Variants in HMGXB3 observed in about 807,000 individuals in gnomAD.
HMGXB3 encodes HMG-box containing 3.
HMGXB3 carries 45 observed loss-of-function variants against 121.5 expected under a neutral mutation model. That is an observed-to-expected ratio of 0.37 (90% CI 0.29 to 0.47). HMGXB3 has a LOEUF of 0.47. HMGXB3 is among the 20% of genes least tolerant of loss of function. The pLI is 0.99. For synonymous variants in HMGXB3, 590 were observed against 624.1 expected, an observed-to-expected ratio of 0.95 and a Z score of 0.81; for missense variants, 1,376 against 1,602.2, an observed-to-expected ratio of 0.86 and a Z score of 2.41.
At chr5:150,034,455 C>T (rs147879578) in intron 11 of HMGXB3, among the ~76,000 whole-genome samples, 2,556 of 152,056 alleles carry the variant, frequency 0.017, 63 homozygotes, top group African/African-American at 0.058. Context: ...GCTATTTGCG[C>T]GGTTTGCAGT....
intron 15 of HMGXB3, among the ~76,000 whole-genome samples, chr5:150,043,147 A>G (rs529740657): frequency 6.6e-6 from 1 of 152,360 alleles, no homozygotes; most frequent in East Asian, 1.9e-4. Flanking sequence ...CATTAAATGT[A>G]TGGGGAAAAA....
intron 15 of HMGXB3, among the ~76,000 whole-genome samples, chr5:150,043,462 G>T (rs1255605014): frequency 6.6e-6 from 1 of 152,202 alleles, no homozygotes; most frequent in Non-Finnish European, 1.5e-5. Flanking sequence ...GATCAGGCAG[G>T]TGCAGAACCT....
At chr5:150,018,537 A>G (rs377116637) in intron 5 of HMGXB3, 29 bp from the exon 6 acceptor site, 11 of 1,506,052 alleles carry the variant, frequency 7.3e-6, no homozygotes, top group East Asian at 2.5e-5. Flanking sequence ...AGGTTGTTCT[A>G]TTGATTCTGA....
At chr5:150,050,195 ACT>A (rs2113764720) in intron 18 of HMGXB3, 55 bp from the exon 19 acceptor site, 4 of 1,411,440 alleles carry the variant, frequency 2.8e-6, no homozygotes, top group Admixed American at 2.0e-5. Context: ...AGAACTGTAC[ACT>A]CTCTGCAGAC....
intron 9 of HMGXB3, among the ~76,000 whole-genome samples, chr5:150,028,772 T>C (rs1007961835): frequency 3.3e-5 from 5 of 151,650 alleles, no homozygotes; most frequent in Non-Finnish European, 7.4e-5. Flanking sequence ...TCTCTTGCTA[T>C]GTTGCCCAGG....
At chr5:150,021,480 A>C in intron 6 of HMGXB3, 1 of 254,980 alleles carries the variant, frequency 3.9e-6, no homozygotes, top group Non-Finnish European at 7.8e-6. Context: ...CTTTGAATGA[A>C]GCCCAACACA....
At chr5:150,021,930 C>T (rs771033920) in intron 6 of HMGXB3, 60 of 483,628 alleles carry the variant, frequency 1.2e-4, no homozygotes, top group East Asian at 1.2e-3. Flanking sequence ...TTGGCTGCAG[C>T]GGGCTTCCTG....
At chr5:150,032,911 T>C (rs1756413911) in intron 11 of HMGXB3, among the ~76,000 whole-genome samples, 2 of 152,200 alleles carry the variant, frequency 1.3e-5, no homozygotes, top group South Asian at 2.1e-4. Flanking sequence ...GGTTGCATCC[T>C]CTTACCGCTG....
rs113707619 is a variant in HMGXB3, at chr5:150,015,143, A to G, written c.909+2790A>G. 33 of 332,344 alleles carry G rather than the reference A, an allele frequency of 9.9e-5. 1 individual carries two copies. The highest frequency in any genetic ancestry group is 1.6e-4 in the Non-Finnish European group (29 of 181,600). The allele number at this position is 332,344 out of a possible 1,614,324, so 20.6% of individuals were successfully genotyped here. On this transcript the variant is annotated intron_variant, in intron 5 of 19. Coordinates refer to ENST00000502717, the MANE Select transcript of HMGXB3 (RefSeq NM_014983.3). ...CAGTCTGTGAACCAGCAGGACTTCA[A>G]AGGTGAGCAGGGCACGATGACAGTC...
intron 6 of HMGXB3, among the ~76,000 whole-genome samples, chr5:150,023,262 T>A (rs144509409): frequency 2.6e-5 from 4 of 152,302 alleles, no homozygotes; most frequent in South Asian, 2.1e-4. Flanking sequence ...CTTTCTGTAA[T>A]GTGCAGGGAG....
intron 4 of HMGXB3, 100 bp downstream of exon 4, chr5:150,010,708 T>G: frequency 8.4e-7 from 1 of 1,187,722 alleles, no homozygotes. Flanking sequence ...TAATCAAGAG[T>G]ACTGGTGTGG....
intron 3 of HMGXB3, among the ~76,000 whole-genome samples, chr5:150,008,280 G>A (rs1218233206): frequency 1.3e-5 from 2 of 151,884 alleles, no homozygotes; most frequent in African/African-American, 4.8e-5. Context: ...CTGCCACCAA[G>A]AACATGAGTA....
chr5:150,051,319 C>T (rs905795228), intron 19 of HMGXB3, among the ~76,000 whole-genome samples: 1 of 152,202 alleles, frequency 6.6e-6, no homozygotes, highest in Admixed American at 6.5e-5. Flanking sequence ...AGCCAGGATG[C>T]ATTATAGGAA....
At chr5:150,032,918 G>A (rs1171458001) in intron 11 of HMGXB3, among the ~76,000 whole-genome samples, 3 of 152,184 alleles carry the variant, frequency 2.0e-5, no homozygotes, top group African/African-American at 4.8e-5. Context: ...TCCTCTTACC[G>A]CTGAGGCCTG....
chr5:150,022,010 C>T (rs999549004), intron 6 of HMGXB3: 1 of 369,474 alleles, frequency 2.7e-6, no homozygotes. Context: ...GCGGGCGGAC[C>T]GCAGCTCCGC....
At chr5:150,032,690 A>G (rs1756409429) in intron 11 of HMGXB3, 87 bp downstream of exon 11, 9 of 1,447,616 alleles carry the variant, frequency 6.2e-6, no homozygotes, top group Non-Finnish European at 8.5e-6. Flanking sequence ...AGATTTTTAA[A>G]GTACATGGTG....
chr5:150,048,690 G>A lies in HMGXB3; in HGVS notation c.3201+5G>A, dbSNP rs546467306. On this transcript the variant is annotated splice_donor_5th_base_variant and intron_variant, in intron 18 of 19. Transcript: ENST00000502717. ...TACAAGGTGTGCCCCCATCAGGTAA[G>A]AAAATAACTAGGGGGAGCTTGGAGT... is the stretch of plus-strand genomic sequence containing the variant. The A allele has an allele frequency of 6.6e-7, 1 of 1,517,398 alleles. No homozygotes were observed. Among genetic ancestry groups the A allele is most frequent in the Non-Finnish European group, 9.0e-7 (1 of 1,115,730 alleles). The allele number at this position is 1,517,398 out of a possible 1,614,324, so 94.0% of individuals were successfully genotyped here.
intron 5 of HMGXB3, among the ~76,000 whole-genome samples, chr5:150,016,811 T>C (rs1755970471): frequency 6.6e-6 from 1 of 152,176 alleles, no homozygotes; most frequent in African/African-American, 2.4e-5. Context: ...TTGTTCTGCC[T>C]TCTTCTGATA....
At chr5:150,007,467 A>G (rs1048548166) in intron 3 of HMGXB3, among the ~76,000 whole-genome samples, 8 of 152,170 alleles carry the variant, frequency 5.3e-5, no homozygotes, top group African/African-American at 1.2e-4. Context: ...TGTAACTTCT[A>G]TTTTGGTAAT....
Sources: gnomAD v4.1 joint callset for allele counts (sites outside exome capture counted in the v4.1 genomes callset) on GRCh38, gnomAD v4.1.1 for gene constraint, MANE v1.5 for transcripts, NCBI Gene and HGNC (gene_info 2026-07-23, HGNC 2026-07-21) for gene names.